The following VPS13A variants were observed in gnomAD, a reference collection of about 807,000 sequenced individuals.
VPS13A encodes intermembrane lipid transfer protein VPS13A.
VPS13A carries 264 observed loss-of-function variants against 390.9 expected under a neutral mutation model. That is an observed-to-expected ratio of 0.68 (90% confidence interval 0.61 to 0.75). VPS13A has a LOEUF of 0.75. Ranked by LOEUF, VPS13A falls within the 30% of genes least tolerant of loss-of-function variation. The probability of loss-of-function intolerance (pLI) is 0.00; values close to 1 mark genes in which losing one functional copy is unlikely to be tolerated. For missense variants in VPS13A, 3,409 were observed against 3,733.9 expected (o/e 0.91, Z 2.27); for synonymous variants, 1,231 against 1,227.1 (o/e 1.00, Z -0.07).
intron 35 of VPS13A, among the ~76,000 whole-genome samples, chr9:77,311,738 G>GT (rs1351615697): frequency 6.6e-6 from 1 of 152,084 alleles, no homozygotes; most frequent in Non-Finnish European, 1.5e-5. Flanking sequence ...CATAATTAAT[G>GT]TAATACAATG....
At chr9:77,331,612 A>G (rs996895769) in intron 45 of VPS13A, among the ~76,000 whole-genome samples, 2 of 151,926 alleles carry the variant, frequency 1.3e-5, no homozygotes, top group East Asian at 1.9e-4. Flanking sequence ...TTTGTCAAGT[A>G]TATTACAGAT....
At chr9:77,358,468 A>G (rs541257228) in intron 57 of VPS13A, 30 bp downstream of exon 57, 2 of 1,560,998 alleles carry the variant, frequency 1.3e-6, no homozygotes, top group South Asian at 1.1e-5. Flanking sequence ...TTTCCATAAA[A>G]GCAGTTGTAT....
chr9:77,187,685 G>A (rs759164253), intron 1 of VPS13A, among the ~76,000 whole-genome samples: 27 of 152,044 alleles, frequency 1.8e-4, no homozygotes, highest in Non-Finnish European at 3.5e-4. Flanking sequence ...CCCATTTTGT[G>A]TGTTACCTTT....
Position 77,321,141 on chromosome 9 carries a change from C to G in VPS13A, c.5416-28C>G, listed in dbSNP as rs774198023. On this transcript the variant is annotated intron_variant, in intron 42 of 71. Coordinates refer to ENST00000360280, the MANE Select transcript of VPS13A (RefSeq NM_033305.3). The stretch of plus-strand genomic sequence containing the variant: ...TTATGTTGTGTTCTTAGAATTTTTC[C>G]TTATATTTCTATGATTTATCATTTT... 8.8e-6 allele frequency: 14 copies of G among 1,598,664 alleles called. No homozygotes were observed. In the South Asian group the frequency reaches 1.6e-4, roughly 18 times the overall value.
At chr9:77,403,452 C>T in intron 69 of VPS13A, 131 bp downstream of exon 69, 2 of 777,790 alleles carry the variant, frequency 2.6e-6, no homozygotes, top group Non-Finnish European at 2.2e-6. Flanking sequence ...GCTCCACAAG[C>T]CTAACTCGCT....
Position 77,323,241 on chromosome 9 carries a change from A to G in VPS13A, c.5991+14A>G, listed in dbSNP as rs371209530. 1.7e-5 allele frequency: 27 copies of G among 1,612,622 alleles called. No homozygotes were observed. In the East Asian group the frequency reaches 3.3e-4, roughly 20 times the overall value. On this transcript the variant is annotated intron_variant, in intron 45 of 71. Transcript: ENST00000360280. ...TCCCCAGTGCAGGTATGAAATGATC[A>G]ATTTTGGGGGATGTCCTGTTATGCA...
intron 25 of VPS13A, 136 bp downstream of exon 25, chr9:77,275,788 T>G: frequency 9.3e-7 from 1 of 1,072,938 alleles, no homozygotes; most frequent in Non-Finnish European, 1.4e-6. Flanking sequence ...GCTGTGTGAT[T>G]CTTGGTCACT....
intron 1 of VPS13A, among the ~76,000 whole-genome samples, chr9:77,194,038 G>A (rs1171497479): frequency 6.6e-6 from 1 of 152,112 alleles, no homozygotes. Context: ...GGTCTGCTGG[G>A]CAACAACACT....
At chr9:77,263,922 A>G (rs1479164266) in intron 23 of VPS13A, among the ~76,000 whole-genome samples, 4 of 152,144 alleles carry the variant, frequency 2.6e-5, no homozygotes, top group African/African-American at 9.7e-5. Context: ...TAATTTTTGC[A>G]TAAGGTCTAA....
chr9:77,212,050 A>G (rs147821320), intron 7 of VPS13A, among the ~76,000 whole-genome samples: 5 of 152,328 alleles, frequency 3.3e-5, no homozygotes, highest in Admixed American at 3.3e-4. Context: ...GTTGGGGACC[A>G]CTGCTCTAGG....
intron 68 of VPS13A, among the ~76,000 whole-genome samples, chr9:77,391,070 A>G (rs1334257327): frequency 6.6e-6 from 1 of 152,182 alleles, no homozygotes; most frequent in Non-Finnish European, 1.5e-5. Flanking sequence ...CTGTCAATAC[A>G]GCTAAAAGTG....
intron 48 of VPS13A, 116 bp downstream of exon 48, chr9:77,340,027 T>A (rs1587617559): frequency 2.8e-6 from 4 of 1,408,548 alleles, no homozygotes; most frequent in East Asian, 2.3e-5. Flanking sequence ...TGTTAAATAT[T>A]TGAGGCCAAA....
chr9:77,410,700 C>A (rs1449145179), intron 71 of VPS13A, among the ~76,000 whole-genome samples: 1 of 151,956 alleles, frequency 6.6e-6, no homozygotes, highest in African/African-American at 2.4e-5. Flanking sequence ...ACAAAGAAGG[C>A]CATTACATAA....
intron 51 of VPS13A, 70 bp downstream of exon 51, chr9:77,344,351 T>G: frequency 2.0e-6 from 3 of 1,496,180 alleles, no homozygotes; most frequent in Non-Finnish European, 1.8e-6. Context: ...ATTGTATTTA[T>G]TTTTTGTATC....
Position 77,403,599 on chromosome 9 carries a change from A to G in VPS13A, c.9275+278A>G, listed in dbSNP as rs542700141. Among the ~76,000 whole-genome samples, 30 of 152,344 alleles carry G rather than the reference A, an allele frequency of 2.0e-4. No homozygotes were observed. The South Asian group carries it at 2.7e-3, about 14-fold the overall frequency. On this transcript the variant is annotated intron_variant, in intron 69 of 71. Transcript: ENST00000360280. ...AATTCCATAAAGCTATCCTCTTAAAAGTAAGCTTTCTCCTCTCTGAAGAAG... is the reference window on the plus strand; with the variant it reads ...AATTCCATAAAGCTATCCTCTTAAAGGTAAGCTTTCTCCTCTCTGAAGAAG...
chr9:77,379,261 A>G (rs1246828955), intron 67 of VPS13A, among the ~76,000 whole-genome samples: 3 of 145,308 alleles, frequency 2.1e-5, no homozygotes, highest in Non-Finnish European at 4.5e-5. Flanking sequence ...TTTTTTTGAG[A>G]CAGAGTTTCA....
intron 13 of VPS13A, among the ~76,000 whole-genome samples, chr9:77,224,104 C>T (rs1823373839): frequency 6.6e-6 from 1 of 152,098 alleles, no homozygotes; most frequent in African/African-American, 2.4e-5. Flanking sequence ...ATTTTAAACC[C>T]AAGCTCAGAC....
intron 19 of VPS13A, among the ~76,000 whole-genome samples, chr9:77,244,347 TG>T (rs35619463): frequency 0.2 from 30,807 of 152,002 alleles, 3,310 homozygotes; most frequent in Middle Eastern, 0.26. Flanking sequence ...CACACTTTGT[TG>T]GGAGAAGGAA....
chr9:77,221,821 T>C (rs905526053), intron 13 of VPS13A, among the ~76,000 whole-genome samples: 1 of 152,118 alleles, frequency 6.6e-6, no homozygotes, highest in African/African-American at 2.4e-5. Flanking sequence ...CCTTTATCTC[T>C]CTACCTACTC....
Sources: gnomAD v4.1 joint callset for allele counts (sites outside exome capture counted in the v4.1 genomes callset) on GRCh38, gnomAD v4.1.1 for gene constraint, MANE v1.5 for transcripts, NCBI Gene and HGNC (gene_info 2026-07-23, HGNC 2026-07-21) for gene names.